The following SCN10A variants were observed in gnomAD, a reference collection of about 807,000 sequenced individuals.
SCN10A encodes sodium voltage-gated channel alpha subunit 10.
Under a neutral mutation model 170.7 loss-of-function variants are expected in SCN10A, and 162 were observed. The ratio of observed to expected loss-of-function variants is 0.95; its 90% confidence interval spans 0.84 to 1.08. SCN10A has a LOEUF of 1.08. SCN10A is among the 50% of genes least tolerant of loss of function. The probability of loss-of-function intolerance (pLI) is 0.00; values close to 1 mark genes in which losing one functional copy is unlikely to be tolerated. For synonymous variants in SCN10A, 985 were observed against 904.6 expected, an observed-to-expected ratio of 1.09 and a Z score of -1.59; for missense variants, 2,527 against 2,436.9, an observed-to-expected ratio of 1.04 and a Z score of -0.78.
chr3:38,703,000 C>G (rs945559426), intron 26 of SCN10A, among the ~76,000 whole-genome samples: 1 of 152,168 alleles, frequency 6.6e-6, no homozygotes, highest in African/African-American at 2.4e-5. Flanking sequence ...ATGGAGCTCA[C>G]CTGCCTTGAT....
intron 10 of SCN10A, among the ~76,000 whole-genome samples, 190 bp from the exon 11 acceptor site, chr3:38,756,148 G>T (rs1011039568): frequency 6.6e-6 from 1 of 152,158 alleles, no homozygotes; most frequent in African/African-American, 2.4e-5. Flanking sequence ...CATTCATGGG[G>T]TACTCTGTTG....
intron 13 of SCN10A, among the ~76,000 whole-genome samples, chr3:38,746,390 C>G (rs1035754026): frequency 1.3e-5 from 2 of 152,046 alleles, no homozygotes; most frequent in Non-Finnish European, 2.9e-5. Flanking sequence ...TCCCATCAGC[C>G]CCACTGTCAC....
intron 21 of SCN10A, among the ~76,000 whole-genome samples, chr3:38,715,909 A>C (rs938240820): frequency 6.6e-6 from 1 of 152,176 alleles, no homozygotes; most frequent in African/African-American, 2.4e-5. Flanking sequence ...CAATAGTTAG[A>C]TGTATAGCAA....
At chr3:38,718,921 A>G in intron 20 of SCN10A, 95 bp from the exon 21 acceptor site, 1 of 1,162,714 alleles carries the variant, frequency 8.6e-7, no homozygotes. Flanking sequence ...CCCTGACCAC[A>G]GTCCCTGGAA....
rs547242462 is a variant in SCN10A at position 38,721,120 on chromosome 3, G to A, written c.3507+1138C>T. ...CACCTCTCAGATCCTGCCTCGTCCC[G>A]CACCTGTGCTCCTCCCTAAAGCTGA... On this transcript the variant is annotated intron_variant, in intron 20 of 27. Coordinates refer to ENST00000449082, the MANE Select transcript of SCN10A (RefSeq NM_006514.4). 3.9e-5 allele frequency among the ~76,000 whole-genome samples: 6 copies of A among 152,218 alleles called. No individual in the cohort carries two copies. In the East Asian group the frequency reaches 7.7e-4, roughly 20 times the overall value.
rs535073221 is a variant in SCN10A, at chr3:38,782,155, T to C, written c.470+6801A>G. On this transcript the variant is annotated intron_variant, in intron 4 of 27. Transcript: ENST00000449082. Reference sequence around the variant, plus strand: ...TAATTATTTTGTCCATTTCTTTATTTGTCAACTTTAAATAATACTCTTTAA... The same window carrying C: ...TAATTATTTTGTCCATTTCTTTATTCGTCAACTTTAAATAATACTCTTTAA... Among the ~76,000 whole-genome samples, 4 of 152,242 alleles carry C rather than the reference T, an allele frequency of 2.6e-5. No homozygotes were observed. The South Asian group carries it at 8.3e-4, about 32-fold the overall frequency.
intron 13 of SCN10A, among the ~76,000 whole-genome samples, chr3:38,746,065 A>ATATATATATGTGTGTG (rs2063684863): frequency 2.4e-5 from 1 of 42,304 alleles, no homozygotes; most frequent in Non-Finnish European, 4.2e-5. Flanking sequence ...GTGTATGTGT[A>ATATATATATGTGTGTG]TATATATATA....
chr3:38,728,680 G>A lies in SCN10A; in HGVS notation c.2502C>T (p.Asp834=), dbSNP rs758449196. Residue 834 remains aspartate, a synonymous_variant, in exon 16 of 28, where the codon GAC becomes GAT. Coordinates refer to ENST00000449082, the MANE Select transcript of SCN10A (RefSeq NM_006514.4). ...HEDWPRWHMH[D]FFHSFLIVFR... Reference sequence around the variant, plus strand: ...AGACAATGAGGAAAGAGTGGAAGAAGTCGTGCATGTGCCAGCGGGGCCAGT... The same window carrying A: ...AGACAATGAGGAAAGAGTGGAAGAAATCGTGCATGTGCCAGCGGGGCCAGT... 5.0e-6 allele frequency: 8 copies of A among 1,614,070 alleles called. No homozygotes were observed. The Admixed American group carries it at 1.0e-4, about 20-fold the overall frequency.
chr3:38,810,309 C>T (rs748231500), intron 1 of SCN10A, among the ~76,000 whole-genome samples: 14 of 152,124 alleles, frequency 9.2e-5, no homozygotes, highest in Non-Finnish European at 1.8e-4. Flanking sequence ...TATGTAAATG[C>T]CAACCAGTAT....
chr3:38,746,049 A>ATGTGTGTG (rs1339290919), intron 13 of SCN10A, among the ~76,000 whole-genome samples: 1 of 88,204 alleles, frequency 1.1e-5, no homozygotes. Context: ...ACATATATAT[A>ATGTGTGTG]TGTGTGTGTA....
At chr3:38,788,794 T>C (rs1343975968) in intron 4 of SCN10A, among the ~76,000 whole-genome samples, 162 bp downstream of exon 4, 1 of 152,114 alleles carries the variant, frequency 6.6e-6, no homozygotes, top group African/African-American at 2.4e-5. Context: ...GAAACAAATC[T>C]CACAGAAGGA....
At chr3:38,710,344 T>G (rs2063260013) in intron 24 of SCN10A, among the ~76,000 whole-genome samples, 1 of 152,020 alleles carries the variant, frequency 6.6e-6, no homozygotes, top group Non-Finnish European at 1.5e-5. Context: ...CATATTTTAG[T>G]AGAGATGGGG....
chr3:38,756,574 G>C, intron 10 of SCN10A, 100 bp downstream of exon 10: 1 of 913,772 alleles, frequency 1.1e-6, no homozygotes. Context: ...TCCTCCTATA[G>C]CTCCCTAAAC....
rs1575998726 is a variant in SCN10A, at chr3:38,750,146, T to G, written c.1794A>C (p.Ala598=). ...DAGQKKTFLS[A]EYLDEPFRAQ... ...CCCGGAAAGGTTCATCTAAGTATTC[T>G]GCTGACAAGAAAGTCTTCTTTTGTC... The change falls in exon 13 of 28, where the codon GCA becomes GCC. Residue 598 remains alanine, a synonymous_variant. Coordinates refer to ENST00000449082, the MANE Select transcript of SCN10A (RefSeq NM_006514.4). 6.2e-7 allele frequency: 1 copy of G among 1,613,220 alleles called. No homozygotes were observed. Among genetic ancestry groups the G allele is most frequent in the African/African-American group, 1.3e-5 (1 of 74,924 alleles).
At chr3:38,790,242 A>G (rs868719484) in intron 3 of SCN10A, among the ~76,000 whole-genome samples, 3 of 152,102 alleles carry the variant, frequency 2.0e-5, no homozygotes, top group African/African-American at 4.8e-5. Flanking sequence ...TTCATAGCAA[A>G]TGTGATTAGA....
Position 38,737,125 on chromosome 3 carries a change from C to T in SCN10A, c.2280+2390G>A, listed in dbSNP as rs539487614. Among the ~76,000 whole-genome samples, 133 of 149,968 alleles carry T rather than the reference C, an allele frequency of 8.9e-4. 3 individuals carry two copies. The highest frequency in any genetic ancestry group is 3.7e-4 in the Non-Finnish European group (25 of 67,562). ...AGCTGGGACTACAGGCGCCCGCCACCGTGCCCGGCTAATTTTTTGTATTTT... is the reference window on the plus strand; with the variant it reads ...AGCTGGGACTACAGGCGCCCGCCACTGTGCCCGGCTAATTTTTTGTATTTT... On this transcript the variant is annotated intron_variant, in intron 15 of 27. Transcript: ENST00000449082.
At chr3:38,701,390 C>T (rs192095965) in intron 27 of SCN10A, among the ~76,000 whole-genome samples, 79 of 152,340 alleles carry the variant, frequency 5.2e-4, no homozygotes, top group African/African-American at 1.6e-3. Flanking sequence ...ACAATCTCCT[C>T]CCAGTCTTTC....
At chr3:38,718,617 A>AC in intron 21 of SCN10A, 36 bp downstream of exon 21, 1 of 1,608,404 alleles carries the variant, frequency 6.2e-7, no homozygotes, top group Non-Finnish European at 8.5e-7. Context: ...AGAGGGGAGG[A>AC]CCCCAAACCC....
At chr3:38,785,327 G>A (rs531961820) in intron 4 of SCN10A, among the ~76,000 whole-genome samples, 27 of 152,062 alleles carry the variant, frequency 1.8e-4, no homozygotes, top group Middle Eastern at 3.4e-3. Flanking sequence ...AAGTAACACC[G>A]CATATCTACA....
Sources: allele counts gnomAD v4.1 joint callset (sites outside exome capture counted in the v4.1 genomes callset), GRCh38; gene constraint gnomAD v4.1.1; transcripts MANE v1.5; gene names NCBI Gene and HGNC (gene_info 2026-07-23, HGNC 2026-07-21).